Variants in ENTPD1 observed in about 807,000 individuals in gnomAD.
The protein encoded by ENTPD1 is ectonucleoside triphosphate diphosphohydrolase 1, also known as ATP diphosphohydrolase.
In ENTPD1, 33 loss-of-function variants were observed where a neutral mutation model predicts 57.0. The ratio of observed to expected loss-of-function variants is 0.58; its 90% CI spans 0.44 to 0.77. The LOEUF is 0.77. ENTPD1 is among the 30% of genes least tolerant of loss of function. ENTPD1 has a pLI of 0.00. For synonymous variants in ENTPD1, 202 were observed against 218.8 expected, an observed-to-expected ratio of 0.92 and a Z score of 0.68; for missense variants, 501 against 603.4, an observed-to-expected ratio of 0.83 and a Z score of 1.78.
At chr10:95,737,807 T>C (rs1355313605) in intron 1 of ENTPD1, among the ~76,000 whole-genome samples, 1 of 152,240 alleles carries the variant, frequency 6.6e-6, no homozygotes, top group Non-Finnish European at 1.5e-5. Context: ...TTGCTCTAAA[T>C]TGCAATGACT....
chr10:95,821,340 A>G (rs1016887680), intron 1 of ENTPD1, among the ~76,000 whole-genome samples: 1 of 152,246 alleles, frequency 6.6e-6, no homozygotes, highest in East Asian at 1.9e-4. Context: ...AATGCCATCA[A>G]GGACTCACGT....
At chr10:95,712,633 T>C (rs953367729) in intron 1 of ENTPD1, among the ~76,000 whole-genome samples, 2 of 152,114 alleles carry the variant, frequency 1.3e-5, no homozygotes, top group African/African-American at 4.8e-5. Flanking sequence ...AAAATTCTAA[T>C]CCCAGGAGGG....
At chr10:95,776,277 C>T (rs185856682) in intron 1 of ENTPD1, among the ~76,000 whole-genome samples, 31 of 152,250 alleles carry the variant, frequency 2.0e-4, no homozygotes, top group Non-Finnish European at 3.2e-4. Context: ...TGGTTGCTAC[C>T]GGTTGTTCCT....
chr10:95,875,325 C>T lies in ENTPD1; in HGVS notation c.*8942C>T, dbSNP rs1271654631. 6.6e-6 allele frequency: 1 copy of T among 152,248 alleles called. No homozygotes were observed. Among genetic ancestry groups the T allele is most frequent in the Non-Finnish European group, 1.5e-5 (1 of 68,076 alleles). The allele number at this position is 152,248 out of a possible 1,614,324, so 9.4% of individuals were successfully genotyped here. On this transcript the variant is annotated 3_prime_UTR_variant, in exon 10 of 10. Transcript: ENST00000371205. ...CATCTCTCTCAAGCTCTAAGTTCCA[C>T]AAATCTCTAGGGCAAGGGTGAAATG... is the stretch of plus-strand genomic sequence containing the variant.
intron 7 of ENTPD1, among the ~76,000 whole-genome samples, chr10:95,857,441 T>G (rs1195923756): frequency 6.6e-6 from 1 of 152,148 alleles, no homozygotes; most frequent in Non-Finnish European, 1.5e-5. Context: ...AATGTAACAA[T>G]TTAAGGAAAT....
At chr10:95,793,653 G>A (rs1428939771) in intron 1 of ENTPD1, among the ~76,000 whole-genome samples, 1 of 152,136 alleles carries the variant, frequency 6.6e-6, no homozygotes, top group Admixed American at 6.6e-5. Flanking sequence ...CTGAGGATGG[G>A]GTCAAGCAGT....
chr10:95,759,699 C>T (rs1047191760), intron 1 of ENTPD1, among the ~76,000 whole-genome samples: 5 of 152,194 alleles, frequency 3.3e-5, no homozygotes, highest in African/African-American at 1.2e-4. Flanking sequence ...CTTGGATAAA[C>T]AGTTTGCTCA....
At position 95,869,241 on chromosome 10, in the gene ENTPD1, C is replaced by CTTTTTTTTTTTT. The variant is rs11312564; in HGVS notation, c.*2873_*2884dup. 4.8e-6 allele frequency: 3 copies of CTTTTTTTTTTTT among 629,798 alleles called. 1 individual carries two copies. The highest frequency in any genetic ancestry group is 3.3e-5 in the African/African-American group (1 of 29,872). 39.0% of individuals were successfully genotyped at this position (629,798 alleles called of 1,614,324 possible). A position where few individuals can be genotyped will look rare whatever the true frequency, so the allele number is the denominator to read the frequency against. The stretch of plus-strand genomic sequence containing the variant: ...GAAAAAAGATCAGCAGAAGTCATTA[C>CTTTTTTTTTTTT]TTTTTTTTTTTTTTTTTTTTTTTTT... On this transcript the variant is annotated 3_prime_UTR_variant, in exon 10 of 10. Coordinates refer to ENST00000371205, the MANE Select transcript of ENTPD1 (RefSeq NM_001776.6).
chr10:95,716,585 A>G (rs186496026), intron 1 of ENTPD1, among the ~76,000 whole-genome samples: 3 of 152,304 alleles, frequency 2.0e-5, no homozygotes, highest in Admixed American at 1.3e-4. Context: ...GCAGGTGGTT[A>G]TAAAGTGAAG....
At chr10:95,741,592 C>G (rs1421847108) in intron 1 of ENTPD1, among the ~76,000 whole-genome samples, 2 of 152,194 alleles carry the variant, frequency 1.3e-5, no homozygotes, top group African/African-American at 4.8e-5. Flanking sequence ...ATCGCAACGT[C>G]TGTGAAACAC....
chr10:95,777,949 A>C (rs147503226), intron 1 of ENTPD1, among the ~76,000 whole-genome samples: 4 of 152,278 alleles, frequency 2.6e-5, no homozygotes, highest in Middle Eastern at 3.4e-3. Context: ...GATCCGCTGA[A>C]CCATGTGTGG....
chr10:95,872,520 T>C lies in ENTPD1; in HGVS notation c.*6137T>C, dbSNP rs542185863. The C allele has an allele frequency of 5.9e-5, 58 of 985,084 alleles. No homozygotes were observed. In the African/African-American group the frequency reaches 9.9e-4, roughly 17 times the overall value. 61.0% of individuals were successfully genotyped at this position (985,084 alleles called of 1,614,324 possible). On this transcript the variant is annotated 3_prime_UTR_variant, in exon 10 of 10. Transcript: ENST00000371205. ...TTCATTTGTGAAGCCTTCTCCAAAT[T>C]TCCAAGTCAGAATGTCTCTTCCTTG...
rs904368020 is a variant in ENTPD1, at chr10:95,870,422, A to G, written c.*4039A>G. On this transcript the variant is annotated 3_prime_UTR_variant, in exon 10 of 10. Transcript: ENST00000371205. ...GGTGTGCACCTAAGTAGCTAGGACT[A>G]CAGGTGTGCACCACCATGTCTAGCT... 11 of 668,242 alleles carry G rather than the reference A, an allele frequency of 1.6e-5. No individual in the cohort carries two copies. The highest frequency in any genetic ancestry group is 1.8e-5 in the Non-Finnish European group (10 of 540,730). 41.4% of individuals were successfully genotyped at this position (668,242 alleles called of 1,614,324 possible).
At chr10:95,696,054 AT>A in the ENTPD1 span, among the ~76,000 whole-genome samples, 1 of 152,182 alleles carries the variant, frequency 6.6e-6, no homozygotes, top group Admixed American at 6.5e-5. Flanking sequence ...GTGTTAAATT[AT>A]TTCTGAATTT....
intron 1 of ENTPD1, among the ~76,000 whole-genome samples, chr10:95,782,166 T>C (rs922010138): frequency 1.3e-5 from 2 of 152,226 alleles, no homozygotes; most frequent in East Asian, 3.8e-4. Context: ...CCAGGCTCTG[T>C]GTTAAGTGCT....
At chr10:95,718,383 G>A (rs963564228) in intron 1 of ENTPD1, among the ~76,000 whole-genome samples, 1 of 151,960 alleles carries the variant, frequency 6.6e-6, no homozygotes, top group Admixed American at 6.6e-5. Context: ...AGGGGGTCCT[G>A]CCTTGCAGCT....
At chr10:95,721,959 T>A (rs1474635766) in intron 1 of ENTPD1, among the ~76,000 whole-genome samples, 1 of 152,208 alleles carries the variant, frequency 6.6e-6, no homozygotes, top group Non-Finnish European at 1.5e-5. Flanking sequence ...GGGTGAGTTG[T>A]AGAGCTGGGC....
chr10:95,725,001 G>A lies in ENTPD1; in HGVS notation c.37+13008G>A, dbSNP rs367914329. On this transcript the variant is annotated intron_variant, in intron 1 of 9. Transcript: ENST00000453258. ...ACATGTGTGTTGGGACACTTGAAAT[G>A]GTCCCATAGATCTCTGAGGCTCTTT... Among the ~76,000 whole-genome samples the A allele has an allele frequency of 3.9e-5, 6 of 152,256 alleles. No individual in the cohort carries two copies. The East Asian group carries it at 1.2e-3, about 29-fold the overall frequency.
chr10:95,777,685 A>T (rs1359727136), intron 1 of ENTPD1, among the ~76,000 whole-genome samples: 1 of 152,238 alleles, frequency 6.6e-6, no homozygotes, highest in Admixed American at 6.5e-5. Flanking sequence ...TGCTCTCTTC[A>T]GAGCTGTTAG....
Sources: allele counts gnomAD v4.1 joint callset (sites outside exome capture counted in the v4.1 genomes callset), GRCh38; gene constraint gnomAD v4.1.1; transcripts MANE v1.5; gene names NCBI Gene and HGNC (gene_info 2026-07-23, HGNC 2026-07-21).